ME2: variants seen among roughly 807,000 people sequenced by gnomAD.
The protein encoded by ME2 is malic enzyme 2.
Under a neutral mutation model 73.7 loss-of-function variants are expected in ME2, and 60 were observed. That is an observed-to-expected ratio of 0.81 (90% CI 0.66 to 1.01). The LOEUF is 1.01. ME2 is among the 50% of genes least tolerant of loss of function. ME2 has a pLI of 0.00. For synonymous variants in ME2, 199 were observed against 236.9 expected (o/e 0.84, Z 1.47); for missense variants, 594 against 705.5 (o/e 0.84, Z 1.79).
chr18:50,938,172 A>T lies in ME2; in HGVS notation c.1418-1398A>T, dbSNP rs1400813557. 2.6e-5 allele frequency among the ~76,000 whole-genome samples: 4 copies of T among 152,064 alleles called. No individual in the cohort carries two copies. In the South Asian group the frequency reaches 6.2e-4, roughly 24 times the overall value. Reference sequence around the variant, plus strand: ...GTAAAACCCTGTCTCTACAAAAAATAAAAAAATTAGCCAGGTGCGATGGTA... The same window carrying T: ...GTAAAACCCTGTCTCTACAAAAAATTAAAAAATTAGCCAGGTGCGATGGTA... On this transcript the variant is annotated intron_variant, in intron 13 of 15. Transcript: ENST00000321341.
At chr18:50,923,743 TA>T (rs1917481288) in intron 10 of ME2, among the ~76,000 whole-genome samples, 1 of 152,088 alleles carries the variant, frequency 6.6e-6, no homozygotes, top group Admixed American at 6.6e-5. Flanking sequence ...TCAAAATAAA[TA>T]AATCAAATTA....
chr18:50,942,009 G>GAATT (rs2144271277), intron 15 of ME2, among the ~76,000 whole-genome samples: 1 of 152,018 alleles, frequency 6.6e-6, no homozygotes, highest in African/African-American at 2.4e-5. Context: ...TAACTTTATA[G>GAATT]AATTGTTTGA....
intron 2 of ME2, among the ~76,000 whole-genome samples, chr18:50,907,809 A>T (rs2144216706): frequency 6.6e-6 from 1 of 152,294 alleles, no homozygotes. Context: ...ATATGTATAT[A>T]AAAAATTTAA....
At chr18:50,891,268 G>A (rs1916599359) in intron 1 of ME2, among the ~76,000 whole-genome samples, 1 of 152,092 alleles carries the variant, frequency 6.6e-6, no homozygotes, top group African/African-American at 2.4e-5. Flanking sequence ...TTTCAAGAGG[G>A]AGTTTGAATA....
At chr18:50,941,724 GGTTTTTAAGGT>G (rs1917966880) in intron 15 of ME2, among the ~76,000 whole-genome samples, 1 of 148,992 alleles carries the variant, frequency 6.7e-6, no homozygotes, top group African/African-American at 2.5e-5. Context: ...TAAGAACAAA[GGTTTTTAAGGT>G]GTTTTAAGGC....
chr18:50,953,385 A>C lies in ME2; in HGVS notation c.*6201A>C, dbSNP rs918039248. 2.6e-5 allele frequency: 4 copies of C among 152,212 alleles called. No individual in the cohort carries two copies. Among genetic ancestry groups the C allele is most frequent in the Non-Finnish European group, 5.9e-5 (4 of 68,052 alleles). 9.4% of individuals were successfully genotyped at this position (152,212 alleles called of 1,614,324 possible). On this transcript the variant is annotated 3_prime_UTR_variant, in exon 16 of 16. Coordinates refer to ENST00000321341, the MANE Select transcript of ME2 (RefSeq NM_002396.5). ...AGTGCTGGGATTACAGGCGTGAGCC[A>C]CCGCGCCCGGCCTCACTTAGTCTTT...
At position 50,941,389 on chromosome 18, in the gene ME2, CAG is replaced by C. The variant is rs1227618869; in HGVS notation, c.1587+1006_1587+1007del. Among the ~76,000 whole-genome samples, 6 of 62,414 alleles carry C rather than the reference CAG, an allele frequency of 9.6e-5. No individual in the cohort carries two copies. In the East Asian group the frequency reaches 3.0e-3, roughly 31 times the overall value. 40.9% of individuals were successfully genotyped at this position (62,414 alleles called of 152,430 possible). A position where few individuals can be genotyped will look rare whatever the true frequency, so the allele number is the denominator to read the frequency against. On this transcript the variant is annotated intron_variant, in intron 15 of 15. Coordinates refer to ENST00000321341, the MANE Select transcript of ME2 (RefSeq NM_002396.5). ...TTTTTTTTTTTTTTTTTTTTTGAGA[CAG>C]AGTCTTGCTCTGTCACCCAGGCTTG...
chr18:50,908,240 T>G, intron 3 of ME2, 44 bp downstream of exon 3: 6 of 1,445,792 alleles, frequency 4.1e-6, no homozygotes, highest in Non-Finnish European at 5.6e-6. Context: ...GTATTCTGAT[T>G]AGAAAACTTA....
In ME2 at chr18:50,912,932, A is replaced by T; in HGVS notation, c.374A>T (p.His125Leu). The stretch of plus-strand genomic sequence containing the variant: ...GGTCTTGCCTGCTCCCAGTATGGAC[A>T]CATCTTTAGAAGACCTAAGTAAGGC... ...TVGLACSQYG[H>L]IFRRPKGLFI... The change falls in exon 4 of 16, where the codon CAC (histidine) becomes CTC (leucine). Residue 125 changes from histidine (H) to leucine (L), a missense_variant. Transcript: ENST00000321341. 6.2e-7 allele frequency: 1 copy of T among 1,601,360 alleles called. No homozygotes were observed. The highest frequency in any genetic ancestry group is 8.5e-7 in the Non-Finnish European group (1 of 1,176,632).
chr18:50,897,260 C>G (rs930901050), intron 2 of ME2, among the ~76,000 whole-genome samples: 1 of 152,144 alleles, frequency 6.6e-6, no homozygotes, highest in African/African-American at 2.4e-5. Flanking sequence ...TTTTACAGTG[C>G]TATGGGCGCA....
chr18:50,921,565 C>A (rs1187293592), intron 10 of ME2, among the ~76,000 whole-genome samples: 1 of 152,042 alleles, frequency 6.6e-6, no homozygotes, highest in African/African-American at 2.4e-5. Flanking sequence ...AGCAGAAATT[C>A]TTTTAATTTT....
At chr18:50,922,231 T>C (rs1331539610) in intron 10 of ME2, among the ~76,000 whole-genome samples, 1 of 152,256 alleles carries the variant, frequency 6.6e-6, no homozygotes, top group Non-Finnish European at 1.5e-5. Context: ...AGTAGTTATA[T>C]ACCAGACATT....
rs1425136572 is a variant in ME2, at chr18:50,924,177, A to G, written c.1136A>G (p.Asp379Gly). The stretch of plus-strand genomic sequence containing the variant: ...GAGAGCATACCTGATACTTTTGAAG[A>G]TGCAGTGAATATACTGAAGCCTTCA... Reference protein sequence around the residue: ...APESIPDTFEDAVNILKPSTI... With the variant: ...APESIPDTFEGAVNILKPSTI... Residue 379 changes from aspartate (D) to glycine (G), a missense_variant, in exon 11 of 16, where the codon GAT (aspartate) becomes GGT (glycine). Physicochemically the swap from Asp to Gly is moderately conservative, Grantham distance 94. Transcript: ENST00000321341. 5 of 1,612,920 alleles carry G rather than the reference A, an allele frequency of 3.1e-6. No homozygotes were observed. Among genetic ancestry groups the G allele is most frequent in the Non-Finnish European group, 4.2e-6 (5 of 1,179,392 alleles).
intron 1 of ME2, among the ~76,000 whole-genome samples, chr18:50,881,320 A>G (rs1916316342): frequency 6.6e-6 from 1 of 152,114 alleles, no homozygotes; most frequent in Non-Finnish European, 1.5e-5. Context: ...TACAGGAGTG[A>G]GCCACCATGC....
At chr18:50,889,113 T>A (rs1916548393) in intron 1 of ME2, among the ~76,000 whole-genome samples, 2 of 152,356 alleles carry the variant, frequency 1.3e-5, no homozygotes, top group African/African-American at 4.8e-5. Context: ...TTATTCCTTC[T>A]GTCAAGTTGT....
At chr18:50,946,746 C>T (rs767682705) in intron 15 of ME2, among the ~76,000 whole-genome samples, 11 of 152,196 alleles carry the variant, frequency 7.2e-5, no homozygotes, top group Admixed American at 1.3e-4. Flanking sequence ...GCCACTCTTT[C>T]AGCAAGACTG....
In ME2 at chr18:50,895,983, T is replaced by C. The variant is rs2271306; in HGVS notation, c.108+55T>C. 2.1e-3 allele frequency: 2,420 copies of C among 1,175,854 alleles called. 60 individuals carry two copies. In the East Asian group the frequency reaches 0.052, roughly 25 times the overall value. The allele number at this position is 1,175,854 out of a possible 1,614,324, so 72.8% of individuals were successfully genotyped here. ...TCTCTCTTCTTATTAAAGTTTGATA[T>C]ATTTAAGACTGATAAGGTGTGACAT... On this transcript the variant is annotated intron_variant, in intron 2 of 15. Coordinates refer to ENST00000321341, the MANE Select transcript of ME2 (RefSeq NM_002396.5).
chr18:50,947,003 T>G lies in ME2; in HGVS notation c.1588-14T>G. Reference sequence around the variant, plus strand: ...ATACTCAGAGCCTACACAATAACCTTACTTATTTTTCAGGTTACAGAATAC... The same window carrying G: ...ATACTCAGAGCCTACACAATAACCTGACTTATTTTTCAGGTTACAGAATAC... On this transcript the variant is annotated splice_polypyrimidine_tract_variant and intron_variant, in intron 15 of 15. Coordinates refer to ENST00000321341, the MANE Select transcript of ME2 (RefSeq NM_002396.5). 1 of 1,599,298 alleles carries G rather than the reference T, an allele frequency of 6.3e-7. No individual in the cohort carries two copies. The highest frequency in any genetic ancestry group is 8.6e-7 in the Non-Finnish European group (1 of 1,166,980).
rs1287068545 is a variant in ME2, at chr18:50,950,095, A to G, written c.*2911A>G. On this transcript the variant is annotated 3_prime_UTR_variant, in exon 16 of 16. Coordinates refer to ENST00000321341, the MANE Select transcript of ME2 (RefSeq NM_002396.5). ...GTGTCAGTAAGTAGTAGGAAAAGGT[A>G]AGAATACATGTGTTTCTAATCTCCC... 2 of 152,258 alleles carry G rather than the reference A, an allele frequency of 1.3e-5. No individual in the cohort carries two copies. The highest frequency in any genetic ancestry group is 4.8e-5 in the African/African-American group (2 of 41,470). The allele number at this position is 152,258 out of a possible 1,614,324, so 9.4% of individuals were successfully genotyped here. A position where few individuals can be genotyped will look rare whatever the true frequency, so the allele number is the denominator to read the frequency against.
Sources: gnomAD v4.1 joint callset for allele counts (sites outside exome capture counted in the v4.1 genomes callset) on GRCh38, gnomAD v4.1.1 for gene constraint, MANE v1.5 for transcripts, NCBI Gene and HGNC (gene_info 2026-07-23, HGNC 2026-07-21) for gene names.